The following EFCAB11 variants were observed in gnomAD, a reference collection of about 807,000 sequenced individuals.
The protein encoded by EFCAB11 is EF-hand calcium-binding domain-containing protein 11.
In EFCAB11, 14 loss-of-function variants were observed where a neutral mutation model predicts 23.0. The observed-to-expected ratio is 0.61, with a 90% confidence interval of 0.40 to 0.95. The LOEUF (loss-of-function observed/expected upper bound fraction) is 0.95, where lower values mean the gene tolerates loss of function less well. Among genes scored for constraint, EFCAB11 ranks in the 40% least tolerant of loss-of-function variants. EFCAB11 has a pLI of 0.00. For synonymous variants in EFCAB11, 65 were observed against 66.6 expected, an observed-to-expected ratio of 0.98 and a Z score of 0.11; for missense variants, 198 against 195.8, an observed-to-expected ratio of 1.01 and a Z score of -0.07.
chr14:89,846,218 C>T (rs774772375), intron 5 of EFCAB11, among the ~76,000 whole-genome samples: 4 of 152,190 alleles, frequency 2.6e-5, no homozygotes, highest in East Asian at 1.9e-4. Flanking sequence ...CTTCTGAAAG[C>T]GTAAGCTGTA....
In EFCAB11 at chr14:89,902,162, G is replaced by A. The variant is rs554534180; in HGVS notation, c.410+29379C>T. Among the ~76,000 whole-genome samples, 176 of 152,110 alleles carry A rather than the reference G, an allele frequency of 1.2e-3. 2 individuals are homozygous for A. The highest frequency in any genetic ancestry group is 3.8e-4 in the Non-Finnish European group (26 of 67,996). On this transcript the variant is annotated intron_variant, in intron 5 of 5. Coordinates refer to ENST00000316738, the MANE Select transcript of EFCAB11 (RefSeq NM_145231.4). ...TCTTTTAGTTTCTCAGTCCCTCTAG[G>A]CTTATACCCATCTCAGACCCTTTGC...
At chr14:89,816,666 C>T (rs1054826845) in intron 5 of EFCAB11, among the ~76,000 whole-genome samples, 4 of 152,066 alleles carry the variant, frequency 2.6e-5, no homozygotes, top group African/African-American at 9.7e-5. Flanking sequence ...AACAGAGATA[C>T]TCTTTATTTT....
intron 5 of EFCAB11, among the ~76,000 whole-genome samples, chr14:89,846,977 G>A (rs986735353): frequency 2.0e-4 from 30 of 152,236 alleles, no homozygotes; most frequent in African/African-American, 5.8e-4. Context: ...ATTTCTGCCC[G>A]ATACATCTAT....
chr14:89,893,577 TA>T (rs145201300), intron 5 of EFCAB11, among the ~76,000 whole-genome samples: 8,165 of 152,004 alleles, frequency 0.054, 375 homozygotes, highest in African/African-American at 0.12. Context: ...TGGGGGGCCT[TA>T]AAGGCCTTTC....
chr14:89,826,348 G>A (rs367891816), intron 5 of EFCAB11, among the ~76,000 whole-genome samples: 2 of 152,066 alleles, frequency 1.3e-5, no homozygotes, highest in East Asian at 3.9e-4. Flanking sequence ...CAAGGGAAAT[G>A]AATTCTAAGA....
At chr14:89,804,191 T>C (rs1305924668) in intron 5 of EFCAB11, among the ~76,000 whole-genome samples, 2 of 152,216 alleles carry the variant, frequency 1.3e-5, no homozygotes, top group Non-Finnish European at 2.9e-5. Flanking sequence ...CGTGGAAGCA[T>C]GAAAAGGAGT....
chr14:89,872,510 G>A (rs1013746898), intron 5 of EFCAB11, among the ~76,000 whole-genome samples: 2 of 152,160 alleles, frequency 1.3e-5, no homozygotes, highest in Admixed American at 6.5e-5. Context: ...CCTCTCTGAC[G>A]GTGATATGGA....
At chr14:89,951,879 C>A (rs1490833838) in intron 2 of EFCAB11, among the ~76,000 whole-genome samples, 1 of 152,100 alleles carries the variant, frequency 6.6e-6, no homozygotes, top group Non-Finnish European at 1.5e-5. Flanking sequence ...GAGCCTAGAT[C>A]ACGCCACTAC....
chr14:89,903,085 C>T (rs1343422268), intron 5 of EFCAB11, among the ~76,000 whole-genome samples: 6 of 152,210 alleles, frequency 3.9e-5, no homozygotes, highest in East Asian at 1.9e-4. Context: ...GCCGCATCTG[C>T]GTTACACATG....
chr14:89,825,950 T>C (rs955478657), intron 5 of EFCAB11, among the ~76,000 whole-genome samples: 2 of 152,170 alleles, frequency 1.3e-5, no homozygotes, highest in African/African-American at 2.4e-5. Flanking sequence ...CAAATAATCA[T>C]TGATCATCTA....
chr14:89,949,522 G>A (rs962575978), intron 3 of EFCAB11, among the ~76,000 whole-genome samples: 16 of 151,312 alleles, frequency 1.1e-4, no homozygotes, highest in Admixed American at 2.0e-4. Context: ...CTGCCACCAC[G>A]CCCAGCTAAT....
intron 5 of EFCAB11, among the ~76,000 whole-genome samples, chr14:89,904,244 TG>T (rs991532774): frequency 3.9e-5 from 6 of 152,122 alleles, no homozygotes; most frequent in African/African-American, 1.4e-4. Flanking sequence ...TTTCTGTCCT[TG>T]TGAGTTTGCT....
chr14:89,893,322 C>T (rs1244066996), intron 5 of EFCAB11, among the ~76,000 whole-genome samples: 1 of 152,124 alleles, frequency 6.6e-6, no homozygotes, highest in Non-Finnish European at 1.5e-5. Flanking sequence ...GCTGGGTTTG[C>T]CCCCACCCTA....
At chr14:89,885,825 A>G (rs1381195221) in intron 5 of EFCAB11, among the ~76,000 whole-genome samples, 1 of 151,728 alleles carries the variant, frequency 6.6e-6, no homozygotes, top group Non-Finnish European at 1.5e-5. Context: ...AGAAAGAAGG[A>G]AAGAGAAAGA....
At chr14:89,917,580 T>A (rs1277232586) in intron 5 of EFCAB11, among the ~76,000 whole-genome samples, 1 of 152,208 alleles carries the variant, frequency 6.6e-6, no homozygotes, top group Non-Finnish European at 1.5e-5. Context: ...TTATTCTACC[T>A]GTAAATTCAG....
At chr14:89,879,576 T>G (rs577888220) in intron 5 of EFCAB11, among the ~76,000 whole-genome samples, 2 of 152,204 alleles carry the variant, frequency 1.3e-5, no homozygotes, top group South Asian at 4.2e-4. Flanking sequence ...AACACTTCAA[T>G]TACTTACAAA....
intron 5 of EFCAB11, among the ~76,000 whole-genome samples, chr14:89,831,622 C>T (rs1288119608): frequency 6.6e-6 from 1 of 152,040 alleles, no homozygotes; most frequent in African/African-American, 2.4e-5. Flanking sequence ...GATCTATAGA[C>T]ACCAAATAAT....
intron 5 of EFCAB11, among the ~76,000 whole-genome samples, chr14:89,810,294 ATGT>A (rs1033241835): frequency 6.6e-5 from 10 of 152,310 alleles, no homozygotes; most frequent in African/African-American, 1.9e-4. Flanking sequence ...TGCTGTGAAA[ATGT>A]TGGCACTTTT....
intron 5 of EFCAB11, among the ~76,000 whole-genome samples, chr14:89,868,555 C>T (rs1031851948): frequency 2.0e-5 from 3 of 152,172 alleles, no homozygotes; most frequent in African/African-American, 7.2e-5. Flanking sequence ...ACTGGGGGTC[C>T]AAGGTCTCTG....
Sources: gnomAD v4.1 joint callset for allele counts (sites outside exome capture counted in the v4.1 genomes callset) on GRCh38, gnomAD v4.1.1 for gene constraint, MANE v1.5 for transcripts, NCBI Gene and HGNC (gene_info 2026-07-23, HGNC 2026-07-21) for gene names.